LRRTM4: variants seen among roughly 807,000 people sequenced by gnomAD.
LRRTM4 encodes the protein leucine-rich repeat transmembrane neuronal protein 4.
Under a neutral mutation model 47.6 loss-of-function variants are expected in LRRTM4, and 25 were observed. The ratio of observed to expected loss-of-function variants is 0.53; its 90% CI spans 0.38 to 0.73. LRRTM4 has a LOEUF of 0.73. Ranked by LOEUF, LRRTM4 falls within the 30% of genes least tolerant of loss-of-function variation. The pLI is 0.00. For synonymous variants in LRRTM4, 311 were observed against 269.5 expected (o/e 1.15, Z -1.51); for missense variants, 638 against 713.4 (o/e 0.89, Z 1.20).
intron 3 of LRRTM4, among the ~76,000 whole-genome samples, chr2:77,131,125 C>T (rs1023422329): frequency 2.2e-4 from 33 of 151,594 alleles, no homozygotes; most frequent in Admixed American, 7.2e-4. Flanking sequence ...TCAGCCACCG[C>T]GCCCGGCCTG....
chr2:77,465,752 G>C (rs975554565), intron 3 of LRRTM4, among the ~76,000 whole-genome samples: 1 of 152,122 alleles, frequency 6.6e-6, no homozygotes, highest in African/African-American at 2.4e-5. Context: ...GTCCCAGAAA[G>C]CATTTTCTTT....
chr2:76,964,202 G>A (rs1428519000), intron 3 of LRRTM4, among the ~76,000 whole-genome samples: 2 of 150,152 alleles, frequency 1.3e-5, no homozygotes, highest in Admixed American at 6.6e-5. Context: ...GGAGGTAGAC[G>A]GGGGATAGTG....
At chr2:77,195,076 CAG>C (rs1192996331) in intron 3 of LRRTM4, among the ~76,000 whole-genome samples, 2 of 151,886 alleles carry the variant, frequency 1.3e-5, no homozygotes, top group East Asian at 1.9e-4. Flanking sequence ...AATTTTAAAA[CAG>C]AGGATTTAGA....
chr2:77,487,552 CGGCATGAAG>C (rs1386315756), intron 3 of LRRTM4, among the ~76,000 whole-genome samples: 1 of 152,152 alleles, frequency 6.6e-6, no homozygotes, highest in Non-Finnish European at 1.5e-5. Flanking sequence ...AGGTGCTCCT[CGGCATGAAG>C]AGCCTGGGTG....
intron 3 of LRRTM4, among the ~76,000 whole-genome samples, chr2:76,981,038 G>C (rs10211571): frequency 6.6e-6 from 1 of 152,030 alleles, no homozygotes. Context: ...GTAGTTATCA[G>C]ATGCTGCTTA....
chr2:77,331,468 A>C (rs533857088), intron 3 of LRRTM4, among the ~76,000 whole-genome samples: 1 of 152,192 alleles, frequency 6.6e-6, no homozygotes, highest in Non-Finnish European at 1.5e-5. Context: ...ATTGAAAGCT[A>C]TGTACTAAAT....
intron 3 of LRRTM4, among the ~76,000 whole-genome samples, chr2:77,422,733 C>T (rs1205455194): frequency 2.0e-5 from 3 of 151,992 alleles, no homozygotes; most frequent in African/African-American, 7.2e-5. Context: ...TTCTAAGACA[C>T]AGACTAAAAT....
intron 3 of LRRTM4, among the ~76,000 whole-genome samples, chr2:76,887,931 G>C (rs1673129445): frequency 6.6e-6 from 1 of 150,854 alleles, no homozygotes; most frequent in South Asian, 2.1e-4. Context: ...ATGGTTAAAA[G>C]TATATGCACT....
intron 3 of LRRTM4, among the ~76,000 whole-genome samples, chr2:77,068,828 T>C (rs113396846): frequency 3.9e-5 from 6 of 152,298 alleles, no homozygotes; most frequent in African/African-American, 9.6e-5. Flanking sequence ...ATGATGGCCA[T>C]AAGGCCTACG....
chr2:77,357,506 G>A (rs1486449155), intron 3 of LRRTM4, among the ~76,000 whole-genome samples: 1 of 152,088 alleles, frequency 6.6e-6, no homozygotes, highest in African/African-American at 2.4e-5. Context: ...CATCTAGTTA[G>A]GCTAAATGTC....
At chr2:76,838,245 C>A (rs190930594) in intron 3 of LRRTM4, among the ~76,000 whole-genome samples, 1 of 151,842 alleles carries the variant, frequency 6.6e-6, no homozygotes, top group South Asian at 2.1e-4. Flanking sequence ...ATTTACATCA[C>A]CATAAGAAAT....
At chr2:77,017,137 C>G (rs1173481332) in intron 3 of LRRTM4, among the ~76,000 whole-genome samples, 2 of 152,088 alleles carry the variant, frequency 1.3e-5, no homozygotes, top group African/African-American at 4.8e-5. Flanking sequence ...AAAGAATTCT[C>G]CAGGATAAAC....
intron 3 of LRRTM4, among the ~76,000 whole-genome samples, chr2:77,390,648 AAATTT>A (rs1260222822): frequency 3.3e-5 from 5 of 151,726 alleles, no homozygotes; most frequent in Non-Finnish European, 5.9e-5. Flanking sequence ...AATATGCTAT[AAATTT>A]AATTTATCTT....
chr2:77,124,034 T>TA (rs1336461816), intron 3 of LRRTM4, among the ~76,000 whole-genome samples: 8 of 152,126 alleles, frequency 5.3e-5, no homozygotes, highest in Non-Finnish European at 1.2e-4. Context: ...TAAGGATCAG[T>TA]AATGTGTGTT....
intron 3 of LRRTM4, among the ~76,000 whole-genome samples, chr2:76,881,991 C>A (rs776561665): frequency 4.4e-4 from 67 of 152,030 alleles, no homozygotes; most frequent in Non-Finnish European, 9.0e-4. Context: ...CATATATATC[C>A]ATTGCATATT....
intron 3 of LRRTM4, among the ~76,000 whole-genome samples, chr2:77,225,991 G>A (rs1163457607): frequency 6.6e-6 from 1 of 151,602 alleles, no homozygotes; most frequent in East Asian, 1.9e-4. Flanking sequence ...AATAAAGAAC[G>A]TAAAAAATGT....
At chr2:76,962,181 A>C (rs917981222) in intron 3 of LRRTM4, among the ~76,000 whole-genome samples, 4 of 151,356 alleles carry the variant, frequency 2.6e-5, no homozygotes, top group East Asian at 3.9e-4. Flanking sequence ...TATGATTTAA[A>C]CATCACTACA....
At chr2:76,761,646 T>G (rs1377434980) in intron 3 of LRRTM4, among the ~76,000 whole-genome samples, 2 of 152,320 alleles carry the variant, frequency 1.3e-5, no homozygotes, top group Admixed American at 6.5e-5. Flanking sequence ...TAATAGCCCA[T>G]TCCACTTTGC....
chr2:77,038,999 A>C (rs1398763399), intron 3 of LRRTM4, among the ~76,000 whole-genome samples: 1 of 151,450 alleles, frequency 6.6e-6, no homozygotes, highest in East Asian at 1.9e-4. Context: ...GTAAAAGTCA[A>C]CAGACCTCTA....
Sources: gnomAD v4.1 joint callset for allele counts (sites outside exome capture counted in the v4.1 genomes callset) on GRCh38, gnomAD v4.1.1 for gene constraint, MANE v1.5 for transcripts, NCBI Gene and HGNC (gene_info 2026-07-23, HGNC 2026-07-21) for gene names.